Variants in CCSER1 observed in about 807,000 individuals in gnomAD.
CCSER1 encodes the protein coiled-coil serine rich protein 1.
A neutral mutation model predicts 82.0 loss-of-function variants in CCSER1; 41 were observed. The ratio of observed to expected loss-of-function variants is 0.50; its 90% confidence interval spans 0.39 to 0.65. The LOEUF is 0.65. CCSER1 is among the 30% of genes least tolerant of loss of function. CCSER1 has a pLI of 0.00. For synonymous variants in CCSER1, 414 were observed against 383.9 expected (o/e 1.08, Z -0.92); for missense variants, 1,119 against 1,064.2 (o/e 1.05, Z -0.72).
intron 10 of CCSER1, among the ~76,000 whole-genome samples, chr4:91,358,308 C>A (rs1266203643): frequency 6.6e-6 from 1 of 150,582 alleles, no homozygotes; most frequent in Non-Finnish European, 1.5e-5. Flanking sequence ...AGGGACCTGT[C>A]CAGGCTTCCT....
chr4:90,459,694 C>T (rs1321953696), intron 4 of CCSER1, among the ~76,000 whole-genome samples: 1 of 151,764 alleles, frequency 6.6e-6, no homozygotes, highest in East Asian at 1.9e-4. Flanking sequence ...GGATTAGCGC[C>T]CACCATAATG....
intron 5 of CCSER1, among the ~76,000 whole-genome samples, chr4:90,588,717 A>G (rs1405823089): frequency 1.3e-5 from 2 of 152,104 alleles, no homozygotes; most frequent in Non-Finnish European, 2.9e-5. Context: ...TTTCCCCCAT[A>G]CTGTTCTCAT....
intron 7 of CCSER1, among the ~76,000 whole-genome samples, chr4:90,785,689 A>G (rs1025891076): frequency 4.0e-5 from 6 of 151,726 alleles, no homozygotes; most frequent in Non-Finnish European, 7.4e-5. Flanking sequence ...GCCAATTAAA[A>G]CTATACGTTT....
chr4:90,264,821 AGTGATTTTATT>A (rs1371596752), intron 1 of CCSER1, among the ~76,000 whole-genome samples: 1 of 152,072 alleles, frequency 6.6e-6, no homozygotes, highest in African/African-American at 2.4e-5. Context: ...ATGATTATGA[AGTGATTTTATT>A]TTTCCAGTCC....
chr4:91,173,688 T>C (rs944646621), intron 10 of CCSER1, among the ~76,000 whole-genome samples: 7 of 151,912 alleles, frequency 4.6e-5, no homozygotes, highest in African/African-American at 1.7e-4. Context: ...AGTATGCATG[T>C]CACTACTCTC....
chr4:91,042,137 A>C (rs1301926770), intron 9 of CCSER1, among the ~76,000 whole-genome samples: 1 of 152,160 alleles, frequency 6.6e-6, no homozygotes, highest in Admixed American at 6.6e-5. Context: ...TGTAATCCCC[A>C]AAAACCCCAT....
chr4:90,731,275 A>ATAGAT (rs1460388320), intron 7 of CCSER1, among the ~76,000 whole-genome samples: 1 of 152,202 alleles, frequency 6.6e-6, no homozygotes, highest in Non-Finnish European at 1.5e-5. Context: ...GATGTTACAA[A>ATAGAT]TAGATAGCAT....
At chr4:90,673,118 AAACAGGGTTG>A (rs1423873230) in intron 6 of CCSER1, among the ~76,000 whole-genome samples, 3 of 152,038 alleles carry the variant, frequency 2.0e-5, no homozygotes, top group Non-Finnish European at 4.4e-5. Context: ...GATTTGCTGG[AAACAGGGTTG>A]CCACAAACCT....
chr4:91,082,308 G>A (rs1722856835), intron 9 of CCSER1, among the ~76,000 whole-genome samples: 1 of 152,168 alleles, frequency 6.6e-6, no homozygotes, highest in Admixed American at 6.5e-5. Context: ...AAGAAATGGG[G>A]AAAGGATTCC....
intron 9 of CCSER1, among the ~76,000 whole-genome samples, chr4:91,013,794 T>C (rs1220283906): frequency 9.7e-6 from 1 of 103,148 alleles, no homozygotes; most frequent in Non-Finnish European, 2.2e-5. Context: ...TTTTTTTTTT[T>C]GTATTTTTAG....
intron 6 of CCSER1, among the ~76,000 whole-genome samples, chr4:90,667,849 C>G (rs960198745): frequency 6.6e-6 from 1 of 152,016 alleles, no homozygotes; most frequent in Admixed American, 6.6e-5. Flanking sequence ...TACCTACTTA[C>G]CAAAGATTTC....
At chr4:90,201,253 G>A (rs778036371) in intron 1 of CCSER1, among the ~76,000 whole-genome samples, 2 of 151,976 alleles carry the variant, frequency 1.3e-5, no homozygotes, top group East Asian at 3.9e-4. Context: ...ATAAATCAGC[G>A]TATTTATTTT....
chr4:90,861,928 T>TATA (rs1561265442), intron 8 of CCSER1, among the ~76,000 whole-genome samples: 289 of 109,370 alleles, frequency 2.6e-3, no homozygotes, highest in African/African-American at 5.3e-3. Flanking sequence ...ATATATATAT[T>TATA]TTTTTTTTCT....
chr4:91,463,951 C>T (rs1756685507), intron 10 of CCSER1, among the ~76,000 whole-genome samples: 1 of 152,204 alleles, frequency 6.6e-6, no homozygotes, highest in African/African-American at 2.4e-5. Context: ...TCCAGGAGAA[C>T]TTCCCCAACC....
intron 3 of CCSER1, among the ~76,000 whole-genome samples, chr4:90,319,254 C>T (rs1300576569): frequency 6.6e-6 from 1 of 152,088 alleles, no homozygotes; most frequent in African/African-American, 2.4e-5. Flanking sequence ...TCAAAACACC[C>T]CACTTGTACA....
At chr4:91,309,918 G>C (rs1560581547) in intron 10 of CCSER1, among the ~76,000 whole-genome samples, 1 of 151,852 alleles carries the variant, frequency 6.6e-6, no homozygotes, top group Non-Finnish European at 1.5e-5. Flanking sequence ...ATTTCTGAAG[G>C]CTAGAGGTCC....
At chr4:90,294,418 A>G (rs960168770) in intron 1 of CCSER1, among the ~76,000 whole-genome samples, 3 of 151,952 alleles carry the variant, frequency 2.0e-5, no homozygotes, top group Admixed American at 6.6e-5. Flanking sequence ...TGTTTTATTT[A>G]TTTAAATATT....
At chr4:90,142,890 AT>A (rs993142581) in intron 1 of CCSER1, among the ~76,000 whole-genome samples, 4 of 152,026 alleles carry the variant, frequency 2.6e-5, no homozygotes, top group Admixed American at 1.3e-4. Flanking sequence ...CTACAGTTCT[AT>A]TTTTTTATTA....
chr4:91,571,791 G>A (rs1763198210), intron 10 of CCSER1, among the ~76,000 whole-genome samples: 1 of 152,136 alleles, frequency 6.6e-6, no homozygotes, highest in Non-Finnish European at 1.5e-5. Context: ...ATCAGCCTAG[G>A]ATGGAGGGTC....
Sources: gnomAD v4.1 joint callset for allele counts (sites outside exome capture counted in the v4.1 genomes callset) on GRCh38, gnomAD v4.1.1 for gene constraint, MANE v1.5 for transcripts, NCBI Gene and HGNC (gene_info 2026-07-23, HGNC 2026-07-21) for gene names.